The following GALNT13 variants were observed in gnomAD, a reference collection of about 807,000 sequenced individuals.
The protein encoded by GALNT13 is polypeptide N-acetylgalactosaminyltransferase 13, also known as UDP-GalNAc:polypeptide N-acetylgalactosaminyltransferase 13.
GALNT13 carries 28 observed loss-of-function variants against 64.2 expected under a neutral mutation model. The ratio of observed to expected loss-of-function variants is 0.44; its 90% CI spans 0.32 to 0.60. The LOEUF is 0.60. GALNT13 is among the 20% of genes least tolerant of loss of function. The pLI is 0.05. For missense variants in GALNT13, 577 were observed against 669.8 expected, an observed-to-expected ratio of 0.86 and a Z score of 1.53; for synonymous variants, 214 against 224.6, an observed-to-expected ratio of 0.95 and a Z score of 0.42.
intron 8 of GALNT13, among the ~76,000 whole-genome samples, chr2:154,269,788 A>G (rs1273296917): frequency 1.3e-5 from 2 of 150,738 alleles, no homozygotes; most frequent in African/African-American, 4.9e-5. Context: ...GTTTAAACAT[A>G]TATTTTCATT....
At chr2:154,045,932 C>G (rs905852130) in intron 3 of GALNT13, among the ~76,000 whole-genome samples, 5 of 149,786 alleles carry the variant, frequency 3.3e-5, no homozygotes, top group African/African-American at 1.2e-4. Flanking sequence ...TCTAGTAAGT[C>G]TTTTTTTTCC....
intron 1 of GALNT13, among the ~76,000 whole-genome samples, chr2:153,878,546 T>G (rs558920915): frequency 9.2e-5 from 14 of 152,318 alleles, no homozygotes; most frequent in Admixed American, 3.3e-4. Flanking sequence ...TGTTAATGTT[T>G]GTTGAAATGA....
the GALNT13 span, among the ~76,000 whole-genome samples, chr2:153,395,230 A>T: frequency 6.6e-6 from 1 of 152,298 alleles, no homozygotes; most frequent in Non-Finnish European, 1.5e-5. Flanking sequence ...CTATTCCATC[A>T]TATCCACAGG....
At chr2:153,764,401 T>C in the GALNT13 span, among the ~76,000 whole-genome samples, 1 of 152,166 alleles carries the variant, frequency 6.6e-6, no homozygotes, top group African/African-American at 2.4e-5. Flanking sequence ...CCAGGCATGT[T>C]GGCACATGCC....
At chr2:153,132,480 G>A in the GALNT13 span, among the ~76,000 whole-genome samples, 1 of 152,116 alleles carries the variant, frequency 6.6e-6, no homozygotes. Flanking sequence ...TCATTTGGAG[G>A]CAATGGAAAT....
At chr2:153,626,241 C>T in the GALNT13 span, among the ~76,000 whole-genome samples, 2 of 151,874 alleles carry the variant, frequency 1.3e-5, no homozygotes, top group South Asian at 2.1e-4. Flanking sequence ...AAAGGTAGAA[C>T]GAGGAAGAAC....
intron 4 of GALNT13, among the ~76,000 whole-genome samples, chr2:154,191,881 T>C (rs1185956660): frequency 6.6e-6 from 1 of 152,154 alleles, no homozygotes. Context: ...ATCAGCTCAG[T>C]TAGACCCCCC....
At chr2:153,309,037 A>G in the GALNT13 span, among the ~76,000 whole-genome samples, 3 of 152,162 alleles carry the variant, frequency 2.0e-5, no homozygotes, top group African/African-American at 4.8e-5. Flanking sequence ...GGAAAGAATT[A>G]GGAGATTACA....
chr2:154,214,736 C>G (rs1687954850), intron 4 of GALNT13, among the ~76,000 whole-genome samples: 1 of 152,172 alleles, frequency 6.6e-6, no homozygotes, highest in South Asian at 2.1e-4. Context: ...CCCAAGACCT[C>G]CTCAGCCCTG....
intron 6 of GALNT13, 93 bp from the exon 7 acceptor site, chr2:154,245,719 A>G: frequency 2.5e-6 from 2 of 792,304 alleles, no homozygotes; most frequent in Admixed American, 4.8e-5. Flanking sequence ...CAAAATAATT[A>G]AATTTCCTCA....
At chr2:153,852,588 CTGAT>C in the GALNT13 span, among the ~76,000 whole-genome samples, 1 of 152,082 alleles carries the variant, frequency 6.6e-6, no homozygotes, top group Non-Finnish European at 1.5e-5. Context: ...CTCTCAATAA[CTGAT>C]AGAACATATG....
intron 8 of GALNT13, among the ~76,000 whole-genome samples, chr2:154,278,223 T>A (rs1334669373): frequency 1.3e-5 from 2 of 152,178 alleles, no homozygotes; most frequent in Non-Finnish European, 2.9e-5. Context: ...TAAAAATCTA[T>A]ACAAAACTTT....
the GALNT13 span, among the ~76,000 whole-genome samples, chr2:153,624,560 A>T: frequency 6.6e-6 from 1 of 152,124 alleles, no homozygotes; most frequent in Non-Finnish European, 1.5e-5. Flanking sequence ...TAGAATGGGA[A>T]GACATGCAAC....
the GALNT13 span, among the ~76,000 whole-genome samples, chr2:153,434,923 G>A: frequency 6.6e-6 from 1 of 152,124 alleles, no homozygotes. Flanking sequence ...GTCCTGAATG[G>A]TATTGCCTAG....
At chr2:153,338,775 A>C in the GALNT13 span, among the ~76,000 whole-genome samples, 5 of 152,090 alleles carry the variant, frequency 3.3e-5, no homozygotes, top group Non-Finnish European at 7.4e-5. Flanking sequence ...CATCTCCTTA[A>C]TCCTGCCCCT....
At chr2:153,939,837 C>G (rs1423568841) in intron 2 of GALNT13, among the ~76,000 whole-genome samples, 3 of 152,154 alleles carry the variant, frequency 2.0e-5, no homozygotes, top group Non-Finnish European at 4.4e-5. Context: ...CCTAGCCTTA[C>G]AAGGTAACTA....
chr2:154,422,657 G>C (rs914088163), intron 11 of GALNT13, among the ~76,000 whole-genome samples: 1 of 152,052 alleles, frequency 6.6e-6, no homozygotes, highest in Non-Finnish European at 1.5e-5. Context: ...GTTTATGACT[G>C]TAATATGCAA....
At chr2:153,636,110 T>C in the GALNT13 span, among the ~76,000 whole-genome samples, 2 of 152,134 alleles carry the variant, frequency 1.3e-5, no homozygotes, top group African/African-American at 2.4e-5. Context: ...ACGCCCGTTA[T>C]ATAAAAAGAT....
chr2:153,544,117 C>A, the GALNT13 span, among the ~76,000 whole-genome samples: 10 of 152,046 alleles, frequency 6.6e-5, no homozygotes, highest in Non-Finnish European at 7.3e-5. Context: ...ATCAGCACAA[C>A]GTACAGAGAA....
Sources: allele counts gnomAD v4.1 joint callset (sites outside exome capture counted in the v4.1 genomes callset), GRCh38; gene constraint gnomAD v4.1.1; transcripts MANE v1.5; gene names NCBI Gene and HGNC (gene_info 2026-07-23, HGNC 2026-07-21).